The following RBFOX1 variants were observed in gnomAD, a reference collection of about 807,000 sequenced individuals.
RBFOX1 encodes RNA binding fox-1 homolog 1, also known as RNA binding protein fox-1 homolog 1.
In RBFOX1, 8 loss-of-function variants were observed where a neutral mutation model predicts 57.7. The observed-to-expected ratio is 0.14, with a 90% CI of 0.08 to 0.25. RBFOX1 has a LOEUF of 0.25. Among genes scored for constraint, RBFOX1 ranks in the 10% least tolerant of loss-of-function variants. RBFOX1 has a pLI of 1.00. For missense variants in RBFOX1, 611 were observed against 548.5 expected, an observed-to-expected ratio of 1.11 and a Z score of -1.14; for synonymous variants, 326 against 222.4, an observed-to-expected ratio of 1.47 and a Z score of -4.15.
intron 1 of RBFOX1, among the ~76,000 whole-genome samples, chr16:6,073,254 C>CA (rs1203595101): frequency 6.6e-6 from 1 of 152,084 alleles, no homozygotes; most frequent in Non-Finnish European, 1.5e-5. Flanking sequence ...ATATTTAAGA[C>CA]AAAAATGACT....
chr16:7,146,266 T>C (rs2074958911), intron 4 of RBFOX1, among the ~76,000 whole-genome samples: 1 of 152,210 alleles, frequency 6.6e-6, no homozygotes, highest in Non-Finnish European at 1.5e-5. Context: ...GTATTGAAAT[T>C]TCTAGTTTCT....
intron 1 of RBFOX1, among the ~76,000 whole-genome samples, chr16:5,382,446 T>A (rs918890504): frequency 2.0e-5 from 3 of 152,216 alleles, no homozygotes; most frequent in Non-Finnish European, 2.9e-5. Context: ...ATGCTTTTAT[T>A]TGCCTTCTGG....
At position 7,516,650 on chromosome 16, in the gene RBFOX1, T is replaced by A. The variant is rs148750492; in HGVS notation, c.28-1497T>A. On this transcript the variant is annotated intron_variant, in intron 4 of 15. Transcript: ENST00000550418. Reference sequence around the variant, plus strand: ...AAAGAAATGCTCGTGCCCTTTTGTTTCCAGTGGCACAGACATTTGGCGAAA... The same window carrying A: ...AAAGAAATGCTCGTGCCCTTTTGTTACCAGTGGCACAGACATTTGGCGAAA... Among the ~76,000 whole-genome samples the A allele has an allele frequency of 3.5e-4, 54 of 152,312 alleles. 1 individual carries two copies. The highest frequency in any genetic ancestry group is 1.5e-3 in the East Asian group (8 of 5,180).
chr16:6,490,775 G>A (rs1255544967), intron 2 of RBFOX1, among the ~76,000 whole-genome samples: 1 of 152,182 alleles, frequency 6.6e-6, no homozygotes, highest in Admixed American at 6.5e-5. Flanking sequence ...GCTGGAAGTG[G>A]AATCCATTAC....
In RBFOX1 at chr16:6,731,586, C is replaced by T. The variant is rs145173309; in HGVS notation, c.-16+76936C>T. On this transcript the variant is annotated intron_variant, in intron 3 of 15. Transcript: ENST00000550418. ...GACCAGAATTGTGAGGCAATTAATA[C>T]TCCAGGGAATAGCCCTTAACTAATG... Among the ~76,000 whole-genome samples, 97 of 152,206 alleles carry T rather than the reference C, an allele frequency of 6.4e-4. No individual in the cohort carries two copies. The East Asian group carries it at 0.017, about 27-fold the overall frequency.
intron 1 of RBFOX1, among the ~76,000 whole-genome samples, chr16:5,381,301 C>G (rs979931548): frequency 6.6e-6 from 1 of 152,214 alleles, no homozygotes; most frequent in Admixed American, 6.5e-5. Flanking sequence ...CCTAGCAAAT[C>G]TCTCCGTAAG....
intron 2 of RBFOX1, among the ~76,000 whole-genome samples, chr16:6,542,735 G>C (rs899490237): frequency 6.7e-6 from 1 of 148,612 alleles, no homozygotes; most frequent in East Asian, 2.0e-4. Context: ...CTCGTGATCT[G>C]CCTGCCTCGG....
At chr16:5,305,526 A>T (rs1015352223) in intron 1 of RBFOX1, among the ~76,000 whole-genome samples, 3 of 152,208 alleles carry the variant, frequency 2.0e-5, no homozygotes, top group Non-Finnish European at 2.9e-5. Context: ...TAGAAAAACA[A>T]AGTGGCTTTC....
intron 11 of RBFOX1, among the ~76,000 whole-genome samples, chr16:7,648,570 C>T (rs6501005): frequency 0.57 from 87,259 of 151,980 alleles, 25,494 homozygotes; most frequent in Middle Eastern, 0.63. Flanking sequence ...AAGGCACAGT[C>T]ATAAGTCAGA....
intron 3 of RBFOX1, among the ~76,000 whole-genome samples, chr16:6,935,588 G>C (rs2077227392): frequency 6.6e-6 from 1 of 152,144 alleles, no homozygotes; most frequent in African/African-American, 2.4e-5. Flanking sequence ...TCAAAAATCT[G>C]TGACCTATCC....
chr16:6,299,593 T>C (rs974637393), intron 1 of RBFOX1, among the ~76,000 whole-genome samples: 3 of 151,788 alleles, frequency 2.0e-5, no homozygotes, highest in African/African-American at 7.3e-5. Context: ...CACATCCAGG[T>C]CACTCTCTAC....
intron 1 of RBFOX1, among the ~76,000 whole-genome samples, chr16:5,291,533 G>A (rs1680491579): frequency 6.6e-6 from 1 of 152,142 alleles, no homozygotes; most frequent in Non-Finnish European, 1.5e-5. Context: ...CAAAGTGCTG[G>A]GATTACAGGC....
At chr16:7,165,257 A>G (rs554708935) in intron 4 of RBFOX1, among the ~76,000 whole-genome samples, 1 of 151,960 alleles carries the variant, frequency 6.6e-6, no homozygotes, top group African/African-American at 2.4e-5. Flanking sequence ...TTGCTCCAAG[A>G]TGCCTAAGCA....
At chr16:7,293,305 A>G in intron 4 of RBFOX1, among the ~76,000 whole-genome samples, 1 of 152,198 alleles carries the variant, frequency 6.6e-6, no homozygotes, top group East Asian at 1.9e-4. Flanking sequence ...TAAAGTATAC[A>G]GGAGGATATG....
chr16:5,743,691 A>T (rs952854890), intron 3 of RBFOX1, among the ~76,000 whole-genome samples: 2 of 152,166 alleles, frequency 1.3e-5, no homozygotes, highest in Non-Finnish European at 2.9e-5. Context: ...GATCACTTAA[A>T]ACGAGATCTG....
At chr16:6,353,802 G>A (rs1478729373) in intron 2 of RBFOX1, among the ~76,000 whole-genome samples, 2 of 152,148 alleles carry the variant, frequency 1.3e-5, no homozygotes, top group Non-Finnish European at 2.9e-5. Context: ...GGACATTGGA[G>A]TGCCCCTGTC....
chr16:6,633,140 T>C (rs1347782061), intron 2 of RBFOX1, among the ~76,000 whole-genome samples: 6 of 152,192 alleles, frequency 3.9e-5, no homozygotes, highest in African/African-American at 1.4e-4. Context: ...GCAGCTGACG[T>C]GCACCCCTGT....
At chr16:5,445,552 C>A (rs2068216260) in intron 1 of RBFOX1, among the ~76,000 whole-genome samples, 1 of 152,154 alleles carries the variant, frequency 6.6e-6, no homozygotes, top group South Asian at 2.1e-4. Context: ...CATTGGACAC[C>A]CATTTCCTTA....
chr16:6,591,370 C>G (rs2097708001), intron 2 of RBFOX1, among the ~76,000 whole-genome samples: 1 of 152,164 alleles, frequency 6.6e-6, no homozygotes, highest in East Asian at 1.9e-4. Flanking sequence ...ATGAGAATCA[C>G]TTGAACTTGG....
Sources: allele counts gnomAD v4.1 joint callset (sites outside exome capture counted in the v4.1 genomes callset), GRCh38; gene constraint gnomAD v4.1.1; transcripts MANE v1.5; gene names NCBI Gene and HGNC (gene_info 2026-07-23, HGNC 2026-07-21).